The following CNTNAP2 variants were observed in gnomAD, a reference collection of about 807,000 sequenced individuals.
CNTNAP2 encodes contactin associated protein 2, also known as contactin-associated protein-like 2.
CNTNAP2 carries 98 observed loss-of-function variants against 155.2 expected under a neutral mutation model. The observed-to-expected ratio is 0.63, with a 90% confidence interval of 0.54 to 0.75. The LOEUF (loss-of-function observed/expected upper bound fraction) is 0.75, where lower values mean the gene tolerates loss of function less well. Ranked by LOEUF, CNTNAP2 falls within the 30% of genes least tolerant of loss-of-function variation. CNTNAP2 has a pLI of 0.00. For missense variants in CNTNAP2, 1,727 were observed against 1,688.1 expected (o/e 1.02, Z -0.40); for synonymous variants, 651 against 631.2 (o/e 1.03, Z -0.47).
At chr7:147,199,393 A>G (rs1275243209) in intron 8 of CNTNAP2, among the ~76,000 whole-genome samples, 1 of 152,200 alleles carries the variant, frequency 6.6e-6, no homozygotes, top group Non-Finnish European at 1.5e-5. Context: ...AATAAATTCA[A>G]CTTAAGTGAT....
chr7:146,635,948 A>C (rs1323770845), intron 1 of CNTNAP2, among the ~76,000 whole-genome samples: 1 of 152,172 alleles, frequency 6.6e-6, no homozygotes, highest in Non-Finnish European at 1.5e-5. Flanking sequence ...TCCAGTGGCA[A>C]GTGAATGGAG....
At chr7:147,674,677 G>A (rs1795840190) in intron 13 of CNTNAP2, among the ~76,000 whole-genome samples, 3 of 152,064 alleles carry the variant, frequency 2.0e-5, no homozygotes, top group Admixed American at 2.0e-4. Context: ...ATCATGATAA[G>A]ATTCAAAGAA....
chr7:147,770,999 A>G (rs750049049), intron 13 of CNTNAP2, among the ~76,000 whole-genome samples: 31 of 152,216 alleles, frequency 2.0e-4, no homozygotes, highest in Non-Finnish European at 2.5e-4. Flanking sequence ...CGTAAGAATA[A>G]ACACATAAAT....
intron 1 of CNTNAP2, among the ~76,000 whole-genome samples, chr7:146,616,968 A>G (rs1563158145): frequency 6.6e-6 from 1 of 152,166 alleles, no homozygotes; most frequent in Non-Finnish European, 1.5e-5. Context: ...GGTTATAATT[A>G]CGTGATTGGA....
At chr7:146,435,105 C>T (rs1796223464) in intron 1 of CNTNAP2, among the ~76,000 whole-genome samples, 1 of 152,106 alleles carries the variant, frequency 6.6e-6, no homozygotes, top group Admixed American at 6.6e-5. Flanking sequence ...ATAGGTGTTA[C>T]TTTTCAGGAT....
At chr7:146,392,539 A>G (rs149399215) in intron 1 of CNTNAP2, among the ~76,000 whole-genome samples, 13 of 152,350 alleles carry the variant, frequency 8.5e-5, no homozygotes, top group African/African-American at 2.6e-4. Context: ...AAGAAAGTGG[A>G]AATTTCAGAT....
intron 3 of CNTNAP2, among the ~76,000 whole-genome samples, chr7:146,944,116 T>C (rs527805108): frequency 6.6e-6 from 1 of 152,254 alleles, no homozygotes; most frequent in Non-Finnish European, 1.5e-5. Context: ...TCATTTATGG[T>C]AGTAAATTAT....
At chr7:146,706,223 A>G (rs1800962605) in intron 1 of CNTNAP2, among the ~76,000 whole-genome samples, 2 of 152,260 alleles carry the variant, frequency 1.3e-5, no homozygotes, top group Admixed American at 1.3e-4. Context: ...TTTCTCTACC[A>G]TTGTGTTTCG....
chr7:146,638,492 T>TTC (rs1799645563), intron 1 of CNTNAP2, among the ~76,000 whole-genome samples: 1 of 115,332 alleles, frequency 8.7e-6, no homozygotes, highest in Non-Finnish European at 1.8e-5. Flanking sequence ...TTTTTTTTTT[T>TTC]TTTTTTCTTT....
At chr7:146,284,505 G>T (rs1292923132) in intron 1 of CNTNAP2, among the ~76,000 whole-genome samples, 1 of 152,074 alleles carries the variant, frequency 6.6e-6, no homozygotes, top group Non-Finnish European at 1.5e-5. Context: ...AGCATAATCT[G>T]ATTGCTGATC....
intron 9 of CNTNAP2, among the ~76,000 whole-genome samples, chr7:147,368,279 G>A (rs1796278860): frequency 6.6e-6 from 1 of 152,056 alleles, no homozygotes; most frequent in East Asian, 1.9e-4. Context: ...ATTCTGGACA[G>A]CTGGTCAACT....
chr7:148,199,966 CCAA>C (rs1795341592), intron 18 of CNTNAP2, among the ~76,000 whole-genome samples: 4 of 152,208 alleles, frequency 2.6e-5, no homozygotes, highest in African/African-American at 9.6e-5. Context: ...GCTAGAAGCA[CCAA>C]CATCTGAGGG....
At chr7:147,494,932 G>T (rs771133257) in intron 11 of CNTNAP2, among the ~76,000 whole-genome samples, 17 of 152,102 alleles carry the variant, frequency 1.1e-4, no homozygotes, top group Admixed American at 2.0e-4. Flanking sequence ...TTTAGCTTTT[G>T]AAACTTGGTG....
chr7:147,860,231 C>T lies in CNTNAP2; in HGVS notation c.2099-43334C>T, dbSNP rs191259399. Among the ~76,000 whole-genome samples the T allele has an allele frequency of 4.6e-5, 7 of 152,158 alleles. No homozygotes were observed. In the East Asian group the frequency reaches 1.2e-3, roughly 25 times the overall value. ...CCTGAGGTCAGGAGTTTGAGACCAG[C>T]CTGAACAACATGCTGAAACCCCATC... On this transcript the variant is annotated intron_variant, in intron 13 of 23. Transcript: ENST00000361727.
intron 1 of CNTNAP2, among the ~76,000 whole-genome samples, chr7:146,696,103 A>C (rs564047238): frequency 6.6e-6 from 1 of 152,292 alleles, no homozygotes; most frequent in Admixed American, 6.5e-5. Context: ...AAAAGTTTGA[A>C]AAAAATTGAC....
intron 13 of CNTNAP2, among the ~76,000 whole-genome samples, chr7:147,667,370 A>C (rs1795712499): frequency 6.6e-6 from 1 of 152,208 alleles, no homozygotes; most frequent in Non-Finnish European, 1.5e-5. Context: ...GCTGGATGTC[A>C]GGTTTTTAAG....
At chr7:146,439,458 C>T (rs954667361) in intron 1 of CNTNAP2, among the ~76,000 whole-genome samples, 14 of 150,950 alleles carry the variant, frequency 9.3e-5, no homozygotes, top group African/African-American at 3.2e-4. Context: ...TTTTGTTTGT[C>T]TTCTCTTCTT....
intron 1 of CNTNAP2, among the ~76,000 whole-genome samples, chr7:146,441,503 T>G (rs1293372422): frequency 6.6e-6 from 1 of 151,504 alleles, no homozygotes; most frequent in Admixed American, 6.6e-5. Flanking sequence ...TGCTGCTGAT[T>G]ACATGCATGG....
rs1267865158 is a variant in CNTNAP2, at chr7:147,131,026, G to GTA, written c.1084-1206_1084-1205dup. Among the ~76,000 whole-genome samples, 607 of 114,722 alleles carry GTA rather than the reference G, an allele frequency of 5.3e-3. 2 individuals are homozygous for GTA. The highest frequency in any genetic ancestry group is 0.047 in the East Asian group (141 of 3,016). The allele number at this position is 114,722 out of a possible 152,430, so 75.3% of individuals were successfully genotyped here. A position where few individuals can be genotyped will look rare whatever the true frequency, so the allele number is the denominator to read the frequency against. On this transcript the variant is annotated intron_variant, in intron 7 of 23. Coordinates refer to ENST00000361727, the MANE Select transcript of CNTNAP2 (RefSeq NM_014141.6). The stretch of plus-strand genomic sequence containing the variant: ...CTAAAATGGAAGAAATCAGCATCAG[G>GTA]TATATATATATATACACATATATAT...
Sources: gnomAD v4.1 joint callset for allele counts (sites outside exome capture counted in the v4.1 genomes callset) on GRCh38, gnomAD v4.1.1 for gene constraint, MANE v1.5 for transcripts, NCBI Gene and HGNC (gene_info 2026-07-23, HGNC 2026-07-21) for gene names.